Variants in TMEM161B observed in about 807,000 individuals in gnomAD.
TMEM161B encodes transmembrane protein 161B.
In TMEM161B, 34 loss-of-function variants were observed where a neutral mutation model predicts 61.8. The ratio of observed to expected loss-of-function variants is 0.55; its 90% CI spans 0.42 to 0.73. The LOEUF (loss-of-function observed/expected upper bound fraction) is 0.73, where lower values mean the gene tolerates loss of function less well. Ranked by LOEUF, TMEM161B falls within the 30% of genes least tolerant of loss-of-function variation. The pLI is 0.00. For missense variants in TMEM161B, 456 were observed against 558.5 expected, an observed-to-expected ratio of 0.82 and a Z score of 1.85; for synonymous variants, 167 against 192.8, an observed-to-expected ratio of 0.87 and a Z score of 1.11.
chr5:88,206,563 TCC>T lies in TMEM161B; in HGVS notation c.599-66_599-65del, dbSNP rs1284223840. ...TCACAAATGTGAAATACAGAATCTTTCCATGGAAATAAAATGTTAGAAAACAG... is the reference window on the plus strand; with the variant it reads ...TCACAAATGTGAAATACAGAATCTTTATGGAAATAAAATGTTAGAAAACAG... On this transcript the variant is annotated intron_variant, in intron 6 of 11. Coordinates refer to ENST00000296595, the MANE Select transcript of TMEM161B (RefSeq NM_153354.5). 2.9e-6 allele frequency: 4 copies of T among 1,391,796 alleles called. No individual in the cohort carries two copies. In the African/African-American group the frequency reaches 5.9e-5, roughly 20 times the overall value. The allele number at this position is 1,391,796 out of a possible 1,614,324, so 86.2% of individuals were successfully genotyped here.
At chr5:88,247,569 A>G (rs536419935) in intron 1 of TMEM161B, among the ~76,000 whole-genome samples, 1 of 152,216 alleles carries the variant, frequency 6.6e-6, no homozygotes, top group African/African-American at 2.4e-5. Context: ...GACTGTTTAC[A>G]TGTTTTAGAG....
intron 5 of TMEM161B, among the ~76,000 whole-genome samples, chr5:88,208,059 A>T (rs1745884309): frequency 6.6e-6 from 1 of 152,148 alleles, no homozygotes. Flanking sequence ...CAAACAAAAA[A>T]CAACTGTGGG....
At chr5:88,238,076 G>A (rs889384973) in intron 2 of TMEM161B, among the ~76,000 whole-genome samples, 3 of 151,982 alleles carry the variant, frequency 2.0e-5, no homozygotes, top group Admixed American at 6.6e-5. Flanking sequence ...TAAAAACTAC[G>A]CACATTCTCC....
At chr5:88,225,617 T>C (rs1298941915) in intron 4 of TMEM161B, 152 bp downstream of exon 4, 4 of 480,886 alleles carry the variant, frequency 8.3e-6, no homozygotes, top group Non-Finnish European at 1.4e-5. Context: ...AACAAAAAAA[T>C]AAATTTAATT....
chr5:88,261,302 T>G (rs1158136709), intron 1 of TMEM161B, among the ~76,000 whole-genome samples: 1 of 152,092 alleles, frequency 6.6e-6, no homozygotes, highest in Non-Finnish European at 1.5e-5. Context: ...TCCATGTTCA[T>G]GAAAAGGATA....
At position 88,232,719 on chromosome 5, in the gene TMEM161B, G is replaced by A. The variant is rs143511197; in HGVS notation, c.108-4191C>T. On this transcript the variant is annotated intron_variant, in intron 2 of 11. Transcript: ENST00000296595. ...CTCCCGAGTACCTAGGACTACTAGC[G>A]CCCGCCACCATGTCCGGCTAATTTT... Among the ~76,000 whole-genome samples the A allele has an allele frequency of 6.5e-4, 99 of 152,040 alleles. No individual in the cohort carries two copies. The Middle Eastern group carries it at 0.027, about 42-fold the overall frequency.
chr5:88,230,852 G>A (rs939251766), intron 2 of TMEM161B, among the ~76,000 whole-genome samples: 1 of 152,138 alleles, frequency 6.6e-6, no homozygotes, highest in Non-Finnish European at 1.5e-5. Flanking sequence ...GTAGGTCAAG[G>A]TGGGCCCCAG....
chr5:88,257,415 A>T (rs967607160), intron 1 of TMEM161B, among the ~76,000 whole-genome samples: 1 of 152,226 alleles, frequency 6.6e-6, no homozygotes, highest in Non-Finnish European at 1.5e-5. Flanking sequence ...TAAGCCATAC[A>T]CAAAAGCCAA....
chr5:88,259,565 A>G (rs1346726276), intron 1 of TMEM161B, among the ~76,000 whole-genome samples: 2 of 152,220 alleles, frequency 1.3e-5, no homozygotes, highest in Non-Finnish European at 2.9e-5. Flanking sequence ...CTAGAAGTGC[A>G]TCTTCAGGCC....
downstream of TMEM161B, among the ~76,000 whole-genome samples, chr5:88,187,399 T>C (rs1306173599): frequency 6.9e-6 from 1 of 144,514 alleles, no homozygotes; most frequent in Non-Finnish European, 1.5e-5. Context: ...GTTGAATTTA[T>C]ATAACATTTG....
In TMEM161B at chr5:88,195,902, C is replaced by T; in HGVS notation, c.*309G>A. ...AGAGTCATGTGAGATGTTTCAAAGA[C>T]TGCTGGAGGTTTCTGTAAACCAGGG... On this transcript the variant is annotated 3_prime_UTR_variant, in exon 12 of 12. Coordinates refer to ENST00000296595, the MANE Select transcript of TMEM161B (RefSeq NM_153354.5). The T allele has an allele frequency of 9.1e-7, 1 of 1,096,844 alleles. No individual in the cohort carries two copies. The highest frequency in any genetic ancestry group is 1.1e-6 in the Non-Finnish European group (1 of 900,402). 67.9% of individuals were successfully genotyped at this position (1,096,844 alleles called of 1,614,324 possible). A position where few individuals can be genotyped will look rare whatever the true frequency, so the allele number is the denominator to read the frequency against.
chr5:88,199,954 T>C (rs1436688435), intron 9 of TMEM161B: 2 of 152,084 alleles, frequency 1.3e-5, no homozygotes, highest in African/African-American at 4.8e-5. Context: ...TTATATCTAG[T>C]ACCTATCAGG....
intron 1 of TMEM161B, among the ~76,000 whole-genome samples, chr5:88,252,643 A>G (rs1000535953): frequency 6.6e-6 from 1 of 152,186 alleles, no homozygotes; most frequent in African/African-American, 2.4e-5. Flanking sequence ...GTAGAATACT[A>G]GAACCACTGA....
At chr5:88,256,030 G>T (rs114349384) in intron 1 of TMEM161B, among the ~76,000 whole-genome samples, 5 of 152,032 alleles carry the variant, frequency 3.3e-5, no homozygotes, top group Admixed American at 1.3e-4. Flanking sequence ...GACATTTTCC[G>T]CAGTATAAAT....
intron 2 of TMEM161B, 25 bp from the exon 3 acceptor site, chr5:88,228,553 A>G: frequency 6.6e-7 from 1 of 1,508,030 alleles, no homozygotes; most frequent in Non-Finnish European, 9.0e-7. Flanking sequence ...AATTCTTTTA[A>G]ATAAAGCGCT....
rs930408840 is a variant in TMEM161B, at chr5:88,199,222, G to T, written c.915-72C>A. 2.8e-6 allele frequency: 4 copies of T among 1,431,846 alleles called. No individual in the cohort carries two copies. The African/African-American group carries it at 5.7e-5, about 21-fold the overall frequency. The allele number at this position is 1,431,846 out of a possible 1,614,324, so 88.7% of individuals were successfully genotyped here. On this transcript the variant is annotated intron_variant, in intron 9 of 11. Transcript: ENST00000296595. ...CTAGCATGCTCGTTATATGTTAATG[G>T]TCACCATATAAGATATAAGAAGTCT...
At chr5:88,255,226 A>G (rs1307710709) in intron 1 of TMEM161B, among the ~76,000 whole-genome samples, 1 of 152,176 alleles carries the variant, frequency 6.6e-6, no homozygotes, top group East Asian at 1.9e-4. Context: ...CAGAAGAGAA[A>G]TTCTCCCATA....
chr5:88,204,818 CA>C (rs1295151529), intron 8 of TMEM161B, among the ~76,000 whole-genome samples: 1 of 143,324 alleles, frequency 7.0e-6, no homozygotes, highest in Admixed American at 7.0e-5. Context: ...AACACATGTA[CA>C]AAGCTTATGT....
At chr5:88,252,808 A>G (rs776932418) in intron 1 of TMEM161B, among the ~76,000 whole-genome samples, 7 of 152,200 alleles carry the variant, frequency 4.6e-5, no homozygotes, top group African/African-American at 7.2e-5. Context: ...ATCTTTATGT[A>G]TTGGAGACTG....
Sources: gnomAD v4.1 joint callset for allele counts (sites outside exome capture counted in the v4.1 genomes callset) on GRCh38, gnomAD v4.1.1 for gene constraint, MANE v1.5 for transcripts, NCBI Gene and HGNC (gene_info 2026-07-23, HGNC 2026-07-21) for gene names.